GALE: variants seen among roughly 807,000 people sequenced by gnomAD.
GALE encodes the protein UDP-galactose-4-epimerase, also known as UDP-glucose 4-epimerase.
A neutral mutation model predicts 44.1 loss-of-function variants in GALE; 32 were observed. The observed-to-expected ratio is 0.73, with a 90% confidence interval of 0.55 to 0.97. The LOEUF is 0.97. Among genes scored for constraint, GALE ranks in the 50% least tolerant of loss-of-function variants. The pLI, the probability that GALE is intolerant of heterozygous loss-of-function variation, is 0.00. For missense variants in GALE, 423 were observed against 455.6 expected, an observed-to-expected ratio of 0.93 and a Z score of 0.65; for synonymous variants, 182 against 183.5, an observed-to-expected ratio of 0.99 and a Z score of 0.06.
intron 1 of GALE, chr1:23,800,206 G>A (rs1040337392): frequency 6.6e-6 from 1 of 152,486 alleles, no homozygotes; most frequent in African/African-American, 2.4e-5. Context: ...CTCGCAGCCC[G>A]GCCCTCTCCC....
At position 23,798,038 on chromosome 1, in the gene GALE, C is replaced by T; in HGVS notation, c.351+79G>A. On this transcript the variant is annotated intron_variant, in intron 5 of 11. Transcript: ENST00000617979. The surrounding 1 kb of genome is among the most constrained non-coding windows in gnomAD (Gnocchi z 4.5). ...AGTCCAGGATGATACAGCTTGGGCTCTGTGTTTGGCACTGCCTGCCAGGCT... is the reference window on the plus strand; with the variant it reads ...AGTCCAGGATGATACAGCTTGGGCTTTGTGTTTGGCACTGCCTGCCAGGCT... 7.4e-7 allele frequency: 1 copy of T among 1,359,248 alleles called. No individual in the cohort carries two copies. Among genetic ancestry groups the T allele is most frequent in the Non-Finnish European group, 1.1e-6 (1 of 947,600 alleles). The allele number at this position is 1,359,248 out of a possible 1,614,324, so 84.2% of individuals were successfully genotyped here. A position where few individuals can be genotyped will look rare whatever the true frequency, so the allele number is the denominator to read the frequency against.
chr1:23,798,586 G>A lies in GALE; in HGVS notation c.237+29C>T, dbSNP rs373494558. On this transcript the variant is annotated intron_variant, in intron 4 of 11. Coordinates refer to ENST00000617979, the MANE Select transcript of GALE (RefSeq NM_001008216.2). This position sits in a 1 kb window ranked among gnomAD's most constrained non-coding sequence, Gnocchi z 4.5. ...CTTCCAAAGTGCTGGAATTACAGGC[G>A]TGAGCCACCGTGCCCAGCCTGCACC... The A allele has an allele frequency of 3.4e-5, 52 of 1,509,734 alleles. No individual in the cohort carries two copies. The highest frequency in any genetic ancestry group is 2.5e-4 in the African/African-American group (18 of 72,918). The allele number at this position is 1,509,734 out of a possible 1,614,324, so 93.5% of individuals were successfully genotyped here.
At position 23,796,939 on chromosome 1, in the gene GALE, C is replaced by T; in HGVS notation, c.646G>A (p.Ala216Thr). The T allele has an allele frequency of 1.9e-6, 3 of 1,613,384 alleles. No individual in the cohort carries two copies. The highest frequency in any genetic ancestry group is 2.7e-5 in the African/African-American group (2 of 75,026). Residue 216 changes from alanine to threonine, a missense_variant, in exon 8 of 12, where the codon GCG becomes ACG. Coordinates refer to ENST00000617979, the MANE Select transcript of GALE (RefSeq NM_001008216.2). This position sits in a 1 kb window ranked among gnomAD's most constrained non-coding sequence, Gnocchi z 5.2. ...NNLMPYVSQV[A>T]IGRREALNVF... ...TTCAGGGCCTCCCGTCGCCCGATCG[C>T]CACCTGGAGGTGGAGATCAGGTCAG...
Position 23,798,681 on chromosome 1 carries a change from G to T in GALE, c.171C>A (p.Gly57=), listed in dbSNP as rs753464693. The T allele has an allele frequency of 6.2e-7, 1 of 1,613,604 alleles. No individual in the cohort carries two copies. Among genetic ancestry groups the T allele is most frequent in the South Asian group, 1.1e-5 (1 of 91,056 alleles). Residue 57 remains glycine, a synonymous_variant, in exon 4 of 12, where the codon GGC becomes GGA. Transcript: ENST00000617979. This position sits in a 1 kb window ranked among gnomAD's most constrained non-coding sequence, Gnocchi z 4.5. ...ESLRRVQELT[G]RSVEFEEMDI... is the part of the protein sequence containing the mutation. ...CCATCTCCTCAAACTCCACAGAGCG[G>T]CCTGTCAGCTCCTGGACCCGCCGCA...
chr1:23,799,422 G>A lies in GALE; in HGVS notation c.-62C>T, dbSNP rs760788686. 47 of 333,980 alleles carry A rather than the reference G, an allele frequency of 1.4e-4. No individual in the cohort carries two copies. Among genetic ancestry groups the A allele is most frequent in the Non-Finnish European group, 2.6e-4 (44 of 171,334 alleles). 20.7% of individuals were successfully genotyped at this position (333,980 alleles called of 1,614,324 possible). A position where few individuals can be genotyped will look rare whatever the true frequency, so the allele number is the denominator to read the frequency against. On this transcript the variant is annotated 5_prime_UTR_variant, in exon 2 of 12. Transcript: ENST00000617979. ...CCACACTTCTTTGTCCAAGGTGACT[G>A]AGGACTGGAGAGTCCTGGGCAGAAG...
chr1:23,796,058 TCCCCCAC>T lies in GALE; in HGVS notation c.989-58_989-52del. On this transcript the variant is annotated intron_variant, in intron 11 of 11. Transcript: ENST00000617979. This position sits in a 1 kb window ranked among gnomAD's most constrained non-coding sequence, Gnocchi z 5.2. ...AGGGCCCACGGTGGAATGCAGAGCC[TCCCCCAC>T]CCCACAGCCCGCCCTGGGTGGGCAT... The T allele has an allele frequency of 6.2e-7, 1 of 1,606,778 alleles. No homozygotes were observed. Among genetic ancestry groups the T allele is most frequent in the Non-Finnish European group, 8.5e-7 (1 of 1,174,224 alleles).
chr1:23,798,472 T>G lies in GALE; in HGVS notation c.237+143A>C, dbSNP rs1490687691. 2 of 718,214 alleles carry G rather than the reference T, an allele frequency of 2.8e-6. No homozygotes were observed. The highest frequency in any genetic ancestry group is 4.2e-5 in the Admixed American group (2 of 47,234). The allele number at this position is 718,214 out of a possible 1,614,324, so 44.5% of individuals were successfully genotyped here. A position where few individuals can be genotyped will look rare whatever the true frequency, so the allele number is the denominator to read the frequency against. On this transcript the variant is annotated intron_variant, in intron 4 of 11. Coordinates refer to ENST00000617979, the MANE Select transcript of GALE (RefSeq NM_001008216.2). The surrounding 1 kb of genome is among the most constrained non-coding windows in gnomAD (Gnocchi z 4.5). ...GGTATGGGCTACCATGCCCAGCTAATTTTTGTATTTTTCTGTAGAGATGGG... is the reference window on the plus strand; with the variant it reads ...GGTATGGGCTACCATGCCCAGCTAAGTTTTGTATTTTTCTGTAGAGATGGG...
At position 23,797,031 on chromosome 1, in the gene GALE, T is replaced by C. The variant is rs1410612928; in HGVS notation, c.642+3A>G. 6.2e-7 allele frequency: 1 copy of C among 1,612,714 alleles called. No individual in the cohort carries two copies. The highest frequency in any genetic ancestry group is 2.2e-5 in the East Asian group (1 of 44,856). ...CTCCTCTGTCCCTTCCCTTTTGCCT[T>C]ACCTGGGAGACATAAGGCATGAGGT... On this transcript the variant is annotated splice_donor_region_variant and intron_variant, in intron 7 of 11. Coordinates refer to ENST00000617979, the MANE Select transcript of GALE (RefSeq NM_001008216.2).
At position 23,795,620 on chromosome 1, in the gene GALE, T is replaced by TTTA. The variant is rs557214506; in HGVS notation, c.*326_*328dup. On this transcript the variant is annotated 3_prime_UTR_variant, in exon 12 of 12. Transcript: ENST00000617979. ...CTGCCCCAGTGTAAGAAAACTTGTT[T>TTTA]TTATTTTTAAATACTTTGGAAAGCT... 2,242 of 458,614 alleles carry TTTA rather than the reference T, an allele frequency of 4.9e-3. 14 individuals carry two copies. The highest frequency in any genetic ancestry group is 6.5e-3 in the Non-Finnish European group (1,652 of 254,266). The allele number at this position is 458,614 out of a possible 1,614,324, so 28.4% of individuals were successfully genotyped here.
intron 5 of GALE, 62 bp from the exon 6 acceptor site, chr1:23,797,933 C>A: frequency 1.3e-6 from 2 of 1,552,278 alleles, no homozygotes; most frequent in Admixed American, 1.7e-5. Flanking sequence ...CCCTGTTACT[C>A]CTCCACAGGA....
rs756309437 is a variant in GALE, at chr1:23,798,847, C to T, written c.121+40G>A. ...GGTGGAACCCAGGGTTTTGCTTCTG[C>T]CATCCCCTCAAGTAGCCCCAGCCCC... On this transcript the variant is annotated intron_variant, in intron 3 of 11. Coordinates refer to ENST00000617979, the MANE Select transcript of GALE (RefSeq NM_001008216.2). The surrounding 1 kb of genome is among the most constrained non-coding windows in gnomAD (Gnocchi z 4.5). 12 of 1,613,976 alleles carry T rather than the reference C, an allele frequency of 7.4e-6. No homozygotes were observed. The Admixed American group carries it at 1.8e-4, about 25-fold the overall frequency.
In GALE at chr1:23,796,685, T is replaced by G; in HGVS notation, c.795+12A>C. The G allele has an allele frequency of 6.2e-7, 1 of 1,613,584 alleles. No individual in the cohort carries two copies. The highest frequency in any genetic ancestry group is 1.7e-5 in the Admixed American group (1 of 59,906). ...GTCCCTCCCCTCCCTCACTTCTCCCTTCTCTTCCTACCCGGCAGCCACACT... is the reference window on the plus strand; with the variant it reads ...GTCCCTCCCCTCCCTCACTTCTCCCGTCTCTTCCTACCCGGCAGCCACACT... On this transcript the variant is annotated intron_variant, in intron 9 of 11. Coordinates refer to ENST00000617979, the MANE Select transcript of GALE (RefSeq NM_001008216.2). This position sits in a 1 kb window ranked among gnomAD's most constrained non-coding sequence, Gnocchi z 5.2.
Position 23,796,489 on chromosome 1 carries a change from G to T in GALE, c.873+20C>A. On this transcript the variant is annotated intron_variant, in intron 10 of 11. Transcript: ENST00000617979. The surrounding 1 kb of genome is among the most constrained non-coding windows in gnomAD (Gnocchi z 5.2). ...TGGGTGGGGTGAGGTGGGTGAGGTG[G>T]GTGGGGCGGGGGGGCCTACCTTCTT... 1 of 1,608,380 alleles carries T rather than the reference G, an allele frequency of 6.2e-7. No individual in the cohort carries two copies. The highest frequency in any genetic ancestry group is 8.5e-7 in the Non-Finnish European group (1 of 1,178,298).
rs377362117 is a variant in GALE at position 23,796,698 on chromosome 1, C to T, written c.794G>A (p.Arg265Gln). Reference protein sequence around the residue: ...LRKLKEQCGCRIYNLGTGTGY... With the variant: ...LRKLKEQCGCQIYNLGTGTGY... ...CTCACTTCTCCCTTCTCTTCCTACCCGGCAGCCACACTGTTCTTTCAGCTT... is the reference window on the plus strand; with the variant it reads ...CTCACTTCTCCCTTCTCTTCCTACCTGGCAGCCACACTGTTCTTTCAGCTT... Residue 265 changes from arginine (R) to glutamine (Q), a missense_variant and splice_region_variant, in exon 9 of 12, where the codon CGG becomes CAG. Transcript: ENST00000617979. The surrounding 1 kb of genome is among the most constrained non-coding windows in gnomAD (Gnocchi z 5.2). 3.7e-5 allele frequency: 59 copies of T among 1,613,146 alleles called. No individual in the cohort carries two copies. The highest frequency in any genetic ancestry group is 9.3e-5 in the African/African-American group (7 of 74,900).
chr1:23,796,161 C>T lies in GALE; in HGVS notation c.978G>A (p.Leu326=). The T allele has an allele frequency of 1.9e-6, 3 of 1,613,770 alleles. No homozygotes were observed. Among genetic ancestry groups the T allele is most frequent in the Non-Finnish European group, 2.5e-6 (3 of 1,179,692 alleles). ...CAGGCCAGCACTCACACATCCTGTCCAGCCCTAAGGCTGCTGTCCACCCCA... is the reference window on the plus strand; with the variant it reads ...CAGGCCAGCACTCACACATCCTGTCTAGCCCTAAGGCTGCTGTCCACCCCA... The part of the protein sequence containing the change: ...EELGWTAALG[L]DRMCEDLWRW... The change falls in exon 11 of 12, where the codon CTG becomes CTA. Residue 326 remains leucine (L), a synonymous_variant. Transcript: ENST00000617979. This position sits in a 1 kb window ranked among gnomAD's most constrained non-coding sequence, Gnocchi z 5.2.
At position 23,797,687 on chromosome 1, in the gene GALE, G is replaced by T; in HGVS notation, c.528+8C>A. On this transcript the variant is annotated splice_region_variant and intron_variant, in intron 6 of 11. Transcript: ENST00000617979. ...GTGGAGCCAGGGCACTGTCAAGGGG[G>T]CCCTCACCTTGTCTGCCTGGCACAG... 1 of 1,613,692 alleles carries T rather than the reference G, an allele frequency of 6.2e-7. No homozygotes were observed. Among genetic ancestry groups the T allele is most frequent in the Non-Finnish European group, 8.5e-7 (1 of 1,179,656 alleles).
Position 23,797,081 on chromosome 1 carries a change from C to T in GALE, c.595G>A (p.Glu199Lys). The change falls in exon 7 of 12, where the codon GAG (glutamate) becomes AAG (lysine). Residue 199 changes from glutamate (E) to lysine (K), a missense_variant. Physicochemically the swap from Glu to Lys is moderately conservative, Grantham distance 56. Transcript: ENST00000617979. ...TTGTTGGGTATGCCCTGGGGATCCT[C>T]ACCAATGCAGCCAGAGGCATGGGCA... ...TGAHASGCIG[E>K]DPQGIPNNLM... 2 of 1,613,726 alleles carry T rather than the reference C, an allele frequency of 1.2e-6. No individual in the cohort carries two copies. The highest frequency in any genetic ancestry group is 1.7e-6 in the Non-Finnish European group (2 of 1,179,864).
Position 23,798,959 on chromosome 1 carries a change from G to A in GALE, c.49C>T (p.His17Tyr), listed in dbSNP as rs794727483. The A allele has an allele frequency of 4.3e-6, 7 of 1,614,128 alleles. No homozygotes were observed. Among genetic ancestry groups the A allele is most frequent in the Non-Finnish European group, 5.1e-6 (6 of 1,179,996 alleles). ...VTGGAGYIGS[H>Y]TVLELLEAGY... ...GCCTCCAGCAGCTCCAGCACCGTGT[G>A]GCTGCCAATGTAGCCAGCCCCACCT... Residue 17 changes from histidine (H) to tyrosine (Y), a missense_variant, in exon 3 of 12, where the codon CAC (histidine) becomes TAC (tyrosine). Transcript: ENST00000617979. This position sits in a 1 kb window ranked among gnomAD's most constrained non-coding sequence, Gnocchi z 4.5.
chr1:23,799,162 G>T, intron 2 of GALE, 150 bp from the exon 3 acceptor site: 1 of 963,940 alleles, frequency 1.0e-6, no homozygotes, highest in Non-Finnish European at 1.6e-6. Flanking sequence ...CCTGGGGCAA[G>T]TCTGGGTACC....
Sources: allele counts gnomAD v4.1 joint callset, GRCh38; gene constraint gnomAD v4.1.1; non-coding constraint Gnocchi (gnomAD v3.1); transcripts MANE v1.5; gene names NCBI Gene and HGNC (gene_info 2026-07-23, HGNC 2026-07-21).